Variants in GPC5 observed in about 807,000 individuals in gnomAD.
GPC5 encodes the protein glypican 5.
In GPC5, 47 loss-of-function variants were observed where a neutral mutation model predicts 53.9. The observed-to-expected ratio is 0.87, with a 90% confidence interval of 0.69 to 1.11. The LOEUF is 1.11. GPC5 is among the 50% of genes most tolerant of loss of function. The pLI, the probability that GPC5 is intolerant of heterozygous loss-of-function variation, is 0.00. For missense variants in GPC5, 748 were observed against 713.1 expected (o/e 1.05, Z -0.56); for synonymous variants, 286 against 263.3 (o/e 1.09, Z -0.84).
In GPC5 at chr13:92,842,656, T is replaced by G. The variant is rs922635939; in HGVS notation, c.1562-23626T>G. ...CAACAATGGGTAGGATACATAATTGTTTTTTTTTTTTTTCATATTTCCAAT... is the reference window on the plus strand; with the variant it reads ...CAACAATGGGTAGGATACATAATTGGTTTTTTTTTTTTTCATATTTCCAAT... On this transcript the variant is annotated intron_variant, in intron 7 of 7. Coordinates refer to ENST00000377067, the MANE Select transcript of GPC5 (RefSeq NM_004466.6). Among the ~76,000 whole-genome samples the G allele has an allele frequency of 9.0e-5, 5 of 55,398 alleles. 1 individual carries two copies. The highest frequency in any genetic ancestry group is 8.8e-4 in the African/African-American group (4 of 4,552). 36.3% of individuals were successfully genotyped at this position (55,398 alleles called of 152,430 possible). A position where few individuals can be genotyped will look rare whatever the true frequency, so the allele number is the denominator to read the frequency against.
intron 7 of GPC5, among the ~76,000 whole-genome samples, chr13:92,234,232 A>G (rs2042552849): frequency 6.6e-6 from 1 of 152,196 alleles, no homozygotes; most frequent in Admixed American, 6.5e-5. Context: ...AGGAATCAGC[A>G]CACTGACTTC....
At chr13:92,204,851 G>A (rs573685661) in intron 7 of GPC5, among the ~76,000 whole-genome samples, 41 of 152,116 alleles carry the variant, frequency 2.7e-4, no homozygotes, top group African/African-American at 9.9e-4. Flanking sequence ...GAGACCTAGA[G>A]GTTTTTTTGT....
At chr13:91,439,194 C>T (rs1166743364) in intron 1 of GPC5, among the ~76,000 whole-genome samples, 1 of 152,156 alleles carries the variant, frequency 6.6e-6, no homozygotes. Context: ...TGGTTATACC[C>T]AAGGGGGGGA....
intron 7 of GPC5, among the ~76,000 whole-genome samples, chr13:92,625,467 T>G (rs1885016489): frequency 6.6e-6 from 1 of 152,196 alleles, no homozygotes; most frequent in Admixed American, 6.6e-5. Context: ...AGTTGCACAT[T>G]TTAATGTATA....
At chr13:91,467,573 G>A (rs764376789) in intron 2 of GPC5, among the ~76,000 whole-genome samples, 2 of 151,678 alleles carry the variant, frequency 1.3e-5, no homozygotes, top group Non-Finnish European at 2.9e-5. Context: ...CTTAATTTGG[G>A]TTTTTGTCTA....
chr13:92,403,374 A>G (rs1440307078), intron 7 of GPC5, among the ~76,000 whole-genome samples: 1 of 152,220 alleles, frequency 6.6e-6, no homozygotes, highest in Non-Finnish European at 1.5e-5. Context: ...TCTGTGGCCC[A>G]TGGCCTGTTA....
rs114619081 is a variant in GPC5 at position 91,474,861 on chromosome 13, C to A, written c.325+25939C>A. 7.2e-3 allele frequency among the ~76,000 whole-genome samples: 1,100 copies of A among 152,078 alleles called. 11 individuals are homozygous for A. Among genetic ancestry groups the A allele is most frequent in the African/African-American group, 0.024 (1,014 of 41,518 alleles). On this transcript the variant is annotated intron_variant, in intron 2 of 7. Coordinates refer to ENST00000377067, the MANE Select transcript of GPC5 (RefSeq NM_004466.6). ...TATTTTTTCATTAATAAAACACTTA[C>A]ACTTATTGGATATTTACTATGGGTG...
intron 5 of GPC5, among the ~76,000 whole-genome samples, chr13:91,836,290 A>T (rs756956752): frequency 1.3e-5 from 2 of 151,998 alleles, no homozygotes; most frequent in Non-Finnish European, 2.9e-5. Context: ...ATTCCTTTTC[A>T]TTTAAACTTT....
chr13:92,428,964 A>T (rs542115389), intron 7 of GPC5, among the ~76,000 whole-genome samples: 1 of 152,254 alleles, frequency 6.6e-6, no homozygotes. Flanking sequence ...ATAAATCAGG[A>T]TTGCAAATAA....
At chr13:92,038,558 CTA>C (rs2040914557) in intron 6 of GPC5, among the ~76,000 whole-genome samples, 1 of 149,410 alleles carries the variant, frequency 6.7e-6, no homozygotes. Flanking sequence ...ATTATATATA[CTA>C]TATATATTCA....
intron 1 of GPC5, among the ~76,000 whole-genome samples, chr13:91,416,676 C>T (rs1260914372): frequency 6.6e-6 from 1 of 152,016 alleles, no homozygotes; most frequent in Non-Finnish European, 1.5e-5. Context: ...TGTTCAGTTC[C>T]CACCTATGAG....
rs147350990 is a variant in GPC5 at position 92,484,090 on chromosome 13, A to T, written c.1561+339101A>T. 4.6e-3 allele frequency among the ~76,000 whole-genome samples: 704 copies of T among 152,312 alleles called. 7 individuals are homozygous for T. Among genetic ancestry groups the T allele is most frequent in the African/African-American group, 0.016 (666 of 41,570 alleles). On this transcript the variant is annotated intron_variant, in intron 7 of 7. Transcript: ENST00000377067. ...GAGTTTACGGCTACAGTGAGCCATG[A>T]TCACTCCACTGCCCTTCAGCCTGGG...
intron 7 of GPC5, among the ~76,000 whole-genome samples, chr13:92,369,236 T>A (rs1055275179): frequency 3.9e-5 from 6 of 152,322 alleles, no homozygotes; most frequent in African/African-American, 1.4e-4. Context: ...CAGGCTGGAG[T>A]GCAGTGGTGT....
intron 7 of GPC5, among the ~76,000 whole-genome samples, chr13:92,364,003 T>C (rs1017458243): frequency 2.6e-5 from 4 of 151,604 alleles, no homozygotes; most frequent in African/African-American, 9.8e-5. Context: ...AGGAGAGAAA[T>C]TGAAGATGTA....
At chr13:91,652,226 C>T (rs2034730410) in intron 2 of GPC5, among the ~76,000 whole-genome samples, 1 of 152,212 alleles carries the variant, frequency 6.6e-6, no homozygotes, top group African/African-American at 2.4e-5. Context: ...TAAGCGTTCA[C>T]CATGCTCTGT....
rs112689648 is a variant in GPC5, at chr13:92,587,800, G to A, written c.1562-278482G>A. Among the ~76,000 whole-genome samples the A allele has an allele frequency of 7.4e-4, 113 of 151,882 alleles. 1 individual carries two copies. The highest frequency in any genetic ancestry group is 2.6e-3 in the African/African-American group (106 of 41,442). On this transcript the variant is annotated intron_variant, in intron 7 of 7. Transcript: ENST00000377067. ...GGAGGCAGCCATGCTCTCAAACCCCGTCTCCACCCTCCAGAGTGGTGTTAC... is the reference window on the plus strand; with the variant it reads ...GGAGGCAGCCATGCTCTCAAACCCCATCTCCACCCTCCAGAGTGGTGTTAC...
intron 7 of GPC5, among the ~76,000 whole-genome samples, chr13:92,646,350 A>G (rs1158864919): frequency 6.6e-6 from 1 of 151,954 alleles, no homozygotes; most frequent in Admixed American, 6.6e-5. Flanking sequence ...ATCTATGTTT[A>G]GACTCTATAA....
At chr13:91,611,864 C>T (rs1172310476) in intron 2 of GPC5, among the ~76,000 whole-genome samples, 1 of 152,180 alleles carries the variant, frequency 6.6e-6, no homozygotes, top group African/African-American at 2.4e-5. Flanking sequence ...ATGAGACATA[C>T]ACCTGAACAC....
At chr13:91,846,687 G>A (rs907978011) in intron 5 of GPC5, among the ~76,000 whole-genome samples, 4 of 152,114 alleles carry the variant, frequency 2.6e-5, no homozygotes, top group Non-Finnish European at 4.4e-5. Context: ...ACCTCTGCAA[G>A]TATTGTCAAT....
Sources: allele counts gnomAD v4.1 joint callset (sites outside exome capture counted in the v4.1 genomes callset), GRCh38; gene constraint gnomAD v4.1.1; transcripts MANE v1.5; gene names NCBI Gene and HGNC (gene_info 2026-07-23, HGNC 2026-07-21).